Variants in THRA observed in about 807,000 individuals in gnomAD.
The protein encoded by THRA is thyroid hormone receptor alpha.
Under a neutral mutation model 45.0 loss-of-function variants are expected in THRA, and 13 were observed. The ratio of observed to expected loss-of-function variants is 0.29; its 90% CI spans 0.19 to 0.46. The LOEUF (loss-of-function observed/expected upper bound fraction) is 0.46. THRA is among the 20% of genes least tolerant of loss of function. The pLI is 1.00. For synonymous variants in THRA, 195 were observed against 214.0 expected (o/e 0.91, Z 0.78); for missense variants, 278 against 556.1 (o/e 0.50, Z 5.03).
chr17:40,088,188 C>G, intron 7 of THRA, 54 bp from the exon 8 acceptor site: 1 of 1,541,502 alleles, frequency 6.5e-7, no homozygotes, highest in Non-Finnish European at 8.8e-7. Context: ...AGGGGAGACT[C>G]AAGGACGCGG....
chr17:40,079,808 G>T (rs1406727135), intron 4 of THRA, among the ~76,000 whole-genome samples: 2 of 152,182 alleles, frequency 1.3e-5, no homozygotes, highest in Non-Finnish European at 2.9e-5. Context: ...TTTCTTGTGA[G>T]TGACAGAGGA....
intron 7 of THRA, 141 bp downstream of exon 7, chr17:40,086,994 A>G: frequency 1.2e-6 from 1 of 812,360 alleles, no homozygotes; most frequent in Non-Finnish European, 1.7e-6. Flanking sequence ...ACATACACAG[A>G]CACACACACA....
chr17:40,084,641 G>T lies in THRA; in HGVS notation c.402G>T (p.Lys134Asn). 6.2e-7 allele frequency: 1 copy of T among 1,614,110 alleles called. No individual in the cohort carries two copies. The highest frequency in any genetic ancestry group is 8.5e-7 in the Non-Finnish European group (1 of 1,180,006). ...LVLDDSKRVA[K>N]RKLIEQNRER... ...TAGATGACTCGAAGCGGGTGGCCAA[G>T]CGTAAGCTGATTGAGCAGAACCGGG... The change falls in exon 6 of 9, where the codon AAG (lysine) becomes AAT (asparagine). Residue 134 changes from lysine to asparagine, a missense_variant. Lys to Asn is a moderately conservative substitution (Grantham distance 94). Transcript: ENST00000450525.
intron 4 of THRA, among the ~76,000 whole-genome samples, chr17:40,079,665 C>T (rs1987071324): frequency 6.6e-6 from 1 of 152,178 alleles, no homozygotes; most frequent in African/African-American, 2.4e-5. Flanking sequence ...GAGGTTACCA[C>T]ACCCGGTGGC....
Position 40,092,723 on chromosome 17 carries a change from G to A in THRA, c.*3267G>A. 2.8e-6 allele frequency: 1 copy of A among 353,310 alleles called. No homozygotes were observed. The highest frequency in any genetic ancestry group is 4.4e-5 in the South Asian group (1 of 22,842). 21.9% of individuals were successfully genotyped at this position (353,310 alleles called of 1,614,324 possible). ...ACCCCACAAACTGACCAGATGGAGA[G>A]GTGGCCCCCCCCAGCCTTGGCAGTA... is the stretch of plus-strand genomic sequence containing the variant. On this transcript the variant is annotated 3_prime_UTR_variant, in exon 9 of 9. Transcript: ENST00000450525.
intron 1 of THRA, among the ~76,000 whole-genome samples, chr17:40,065,039 A>C (rs550852205): frequency 7.1e-6 from 1 of 140,232 alleles, no homozygotes; most frequent in Admixed American, 7.5e-5. Flanking sequence ...CTGTGCGGGA[A>C]TGGGCTGTTT....
At chr17:40,070,826 C>G (rs963744722) in intron 1 of THRA, among the ~76,000 whole-genome samples, 1 of 151,928 alleles carries the variant, frequency 6.6e-6, no homozygotes, top group Non-Finnish European at 1.5e-5. Context: ...CCCCTCCCCC[C>G]AGCCTGCATG....
chr17:40,089,262 C>T lies in THRA; in HGVS notation c.1039C>T (p.Leu347=), dbSNP rs779712571. ...CGAGAAGAGTCAGGAGGCGTACCTG[C>T]TGGCGTTCGAGCACTACGTCAACCA... ...KIEKSQEAYL[L]AFEHYVNHRK... The change falls in exon 9 of 9, where the codon CTG becomes TTG. Residue 347 remains leucine, a synonymous_variant. Transcript: ENST00000450525. This position sits in a 1 kb window ranked among gnomAD's most constrained non-coding sequence, Gnocchi z 6.1. 5.6e-6 allele frequency: 9 copies of T among 1,614,014 alleles called. No homozygotes were observed. Among genetic ancestry groups the T allele is most frequent in the Non-Finnish European group, 7.6e-6 (9 of 1,180,042 alleles).
At chr17:40,075,194 C>T (rs1213798209) in intron 2 of THRA, among the ~76,000 whole-genome samples, 1 of 152,116 alleles carries the variant, frequency 6.6e-6, no homozygotes, top group African/African-American at 2.4e-5. Context: ...CTTGAGGAGC[C>T]CAGAGGGTCT....
intron 2 of THRA, among the ~76,000 whole-genome samples, chr17:40,076,107 G>A (rs1986943987): frequency 6.6e-6 from 1 of 152,244 alleles, no homozygotes; most frequent in African/African-American, 2.4e-5. Flanking sequence ...CAGTGGCTGA[G>A]GGTTGCTAAT....
chr17:40,064,324 CACAT>C (rs1167729160), intron 1 of THRA, among the ~76,000 whole-genome samples: 10 of 152,212 alleles, frequency 6.6e-5, no homozygotes, highest in African/African-American at 2.2e-4. Flanking sequence ...AAGTCACTGT[CACAT>C]GCATGCATGC....
chr17:40,078,993 G>A (rs1049836740), intron 4 of THRA, among the ~76,000 whole-genome samples: 1 of 152,134 alleles, frequency 6.6e-6, no homozygotes, highest in African/African-American at 2.4e-5. Flanking sequence ...GCCTCCCAAA[G>A]TGCTGGGGTT....
chr17:40,074,425 G>A lies in THRA; in HGVS notation c.-64G>A. 2.5e-6 allele frequency: 4 copies of A among 1,590,322 alleles called. No individual in the cohort carries two copies. The highest frequency in any genetic ancestry group is 1.1e-5 in the South Asian group (1 of 90,314). ...TGGGTGGCCTGTGGGTGTGCCGGGG[G>A]GGCCAGTGTGCCCACCCCAGTCTCT... is the stretch of plus-strand genomic sequence containing the variant. On this transcript the variant is annotated 5_prime_UTR_variant, in exon 2 of 9. Transcript: ENST00000450525.
At position 40,086,822 on chromosome 17, in the gene THRA, A is replaced by C; in HGVS notation, c.692A>C (p.Asp231Ala). ...ACCCCGGCCATCACCCGTGTGGTGG[A>C]CTTTGCCAAAAAACTGCCCATGTTC... ...IITPAITRVV[D>A]FAKKLPMFSE... The change falls in exon 7 of 9, where the codon GAC (aspartate) becomes GCC (alanine). Residue 231 changes from aspartate (D) to alanine (A), a missense_variant. By Grantham distance (126) the Asp-to-Ala change is moderately radical (BLOSUM62 -2). Coordinates refer to ENST00000450525, the MANE Select transcript of THRA (RefSeq NM_199334.5). The C allele has an allele frequency of 6.2e-7, 1 of 1,614,128 alleles. No individual in the cohort carries two copies. Among genetic ancestry groups the C allele is most frequent in the Non-Finnish European group, 8.5e-7 (1 of 1,180,026 alleles).
intron 1 of THRA, among the ~76,000 whole-genome samples, chr17:40,064,863 C>A (rs1242218445): frequency 6.6e-6 from 1 of 152,168 alleles, no homozygotes; most frequent in Non-Finnish European, 1.5e-5. Context: ...AATGAGTTCA[C>A]AAGGCCCAGG....
chr17:40,085,436 C>A (rs1403309417), intron 6 of THRA, among the ~76,000 whole-genome samples: 1 of 151,802 alleles, frequency 6.6e-6, no homozygotes, highest in Non-Finnish European at 1.5e-5. Flanking sequence ...TGGGTTCAAG[C>A]GATTCTCCCG....
chr17:40,062,365 TA>T, upstream of THRA: 1 of 151,962 alleles, frequency 6.6e-6, no homozygotes, highest in Non-Finnish European at 1.5e-5. Flanking sequence ...TGATTGAAGT[TA>T]AAAGGACATC....
Position 40,092,507 on chromosome 17 carries a change from T to C in THRA, c.*3051T>C, listed in dbSNP as rs1399957887. ...CCACGTTGACAATCAGTATGTCTGT[T>C]ATGTGCGATTTTTCACCCCGTTGTG... On this transcript the variant is annotated 3_prime_UTR_variant, in exon 9 of 9. Transcript: ENST00000450525. The C allele has an allele frequency of 6.4e-6, 1 of 155,236 alleles. No homozygotes were observed. The highest frequency in any genetic ancestry group is 2.4e-5 in the African/African-American group (1 of 41,382). The allele number at this position is 155,236 out of a possible 1,614,324, so 9.6% of individuals were successfully genotyped here.
chr17:40,089,651 A>C lies in THRA; in HGVS notation c.*195A>C. On this transcript the variant is annotated 3_prime_UTR_variant, in exon 9 of 9. Transcript: ENST00000450525. This position sits in a 1 kb window ranked among gnomAD's most constrained non-coding sequence, Gnocchi z 6.1. ...CCTCCAGCCCTGGGACAGGGCAAAC[A>C]ACTGAACTTGCTATGGAAAGGACAG... 1 of 1,418,334 alleles carries C rather than the reference A, an allele frequency of 7.1e-7. No homozygotes were observed. Among genetic ancestry groups the C allele is most frequent in the Non-Finnish European group, 9.2e-7 (1 of 1,088,828 alleles). The allele number at this position is 1,418,334 out of a possible 1,614,324, so 87.9% of individuals were successfully genotyped here.
Sources: allele counts gnomAD v4.1 joint callset (sites outside exome capture counted in the v4.1 genomes callset), GRCh38; gene constraint gnomAD v4.1.1; non-coding constraint Gnocchi (gnomAD v3.1); transcripts MANE v1.5; gene names NCBI Gene and HGNC (gene_info 2026-07-23, HGNC 2026-07-21).